Variants in PLCH2 observed in about 807,000 individuals in gnomAD.
PLCH2 encodes the protein 1-phosphatidylinositol 4,5-bisphosphate phosphodiesterase eta-2.
PLCH2 carries 98 observed loss-of-function variants against 134.7 expected under a neutral mutation model. That is an observed-to-expected ratio of 0.73 (90% CI 0.62 to 0.86). The LOEUF is 0.86. Ranked by LOEUF, PLCH2 falls within the 40% of genes least tolerant of loss-of-function variation. The probability of loss-of-function intolerance (pLI) is 0.00; values close to 1 mark genes in which losing one functional copy is unlikely to be tolerated. For synonymous variants in PLCH2, 974 were observed against 827.5 expected (o/e 1.18, Z -3.04); for missense variants, 1,994 against 1,986.6 (o/e 1.00, Z -0.07).
chr1:2,487,243 C>T lies in PLCH2; in HGVS notation c.981C>T (p.Asp327=), dbSNP rs757656148. ...FNPEHHHVHQ[D]MTQPLSHYFI... ...CTGAGCACCACCATGTGCACCAGGA[C>T]ATGACGCAGCCGCTGAGCCACTACT... The change falls in exon 7 of 22, where the codon GAC becomes GAT. Residue 327 remains aspartate (D), a synonymous_variant. Transcript: ENST00000378486. 1.2e-6 allele frequency: 2 copies of T among 1,609,842 alleles called. No individual in the cohort carries two copies. Among genetic ancestry groups the T allele is most frequent in the South Asian group, 2.2e-5 (2 of 90,278 alleles).
rs1642475249 is a variant in PLCH2, at chr1:2,489,884, G to T, written c.1515+17G>T. 6.4e-7 allele frequency: 1 copy of T among 1,552,390 alleles called. No homozygotes were observed. Among genetic ancestry groups the T allele is most frequent in the Non-Finnish European group, 8.9e-7 (1 of 1,124,096 alleles). On this transcript the variant is annotated intron_variant, in intron 10 of 21. Coordinates refer to ENST00000378486, the MANE Select transcript of PLCH2 (RefSeq NM_014638.4). ...AATGGGGATGTGAGTCGGGCTGGAG[G>T]TGGAGGGGGGCGCGTGGAGCCTGCA...
At position 2,505,448 on chromosome 1, in the gene PLCH2, G is replaced by A. The variant is rs533490144; in HGVS notation, c.*235G>A. ...GGCCCTGCCAGGCAGTTTTCCCGGC[G>A]TTTTAGGATCTGTACATAGAGAAAT... On this transcript the variant is annotated 3_prime_UTR_variant, in exon 22 of 22. Transcript: ENST00000378486. 1.8e-5 allele frequency: 10 copies of A among 570,452 alleles called. No individual in the cohort carries two copies. Among genetic ancestry groups the A allele is most frequent in the Middle Eastern group, 9.1e-4 (2 of 2,190 alleles). 35.3% of individuals were successfully genotyped at this position (570,452 alleles called of 1,614,324 possible).
At chr1:2,464,237 C>T (rs956184155), upstream of PLCH2, among the ~76,000 whole-genome samples, 8 of 152,176 alleles carry the variant, frequency 5.3e-5, no homozygotes, top group South Asian at 2.1e-4. Flanking sequence ...GGGGGCTTCA[C>T]GAGCTTCTCC....
rs946933819 is a variant in PLCH2, at chr1:2,476,603, G to A, written c.15G>A (p.Trp5Ter). ...GTCGTCAGGCCATGTCTGGTCCATG[G>A]CCCTCCCCCGACAGCCGGACCAAGG... The part of the protein sequence containing the change: MSGP[W>*]PSPDSRTKGT... Residue 5 changes from tryptophan to a stop codon, truncating the protein, a stop_gained, in exon 1 of 22, where the codon TGG becomes TGA. Transcript: ENST00000378486. LOFTEE classifies it high-confidence loss of function. 2.5e-6 allele frequency: 4 copies of A among 1,576,354 alleles called. No homozygotes were observed. In the Admixed American group the frequency reaches 5.5e-5, roughly 22 times the overall value.
chr1:2,499,110 C>G lies in PLCH2; in HGVS notation c.2461C>G (p.Leu821Val). 1 of 1,611,874 alleles carries G rather than the reference C, an allele frequency of 6.2e-7. No homozygotes were observed. The highest frequency in any genetic ancestry group is 1.3e-5 in the African/African-American group (1 of 75,026). Residue 821 changes from leucine to valine, a missense_variant, in exon 19 of 22, where the codon CTG (leucine) becomes GTG (valine). Coordinates refer to ENST00000378486, the MANE Select transcript of PLCH2 (RefSeq NM_014638.4). Reference protein sequence around the residue: ...NGFNPTWEETLVFMVHMPEIA... With the variant: ...NGFNPTWEETVVFMVHMPEIA... ...GTTCAACCCCACCTGGGAGGAGACC[C>G]TGGTTTTCATGGTGCACATGCCGGA...
Position 2,504,671 on chromosome 1 carries a change from T to G in PLCH2, c.3709T>G (p.Trp1237Gly). 6.2e-7 allele frequency: 1 copy of G among 1,612,584 alleles called. No individual in the cohort carries two copies. Among genetic ancestry groups the G allele is most frequent in the African/African-American group, 1.3e-5 (1 of 75,062 alleles). Residue 1237 changes from tryptophan to glycine, a missense_variant, in exon 22 of 22, where the codon TGG (tryptophan) becomes GGG (glycine). By Grantham distance (184) the Trp-to-Gly change is radical (BLOSUM62 -2). Around this residue, in one of 2 missense-constraint regions of PLCH2, gnomAD observed 900 missense variants for 752.3 expected, o/e 1.20. Coordinates refer to ENST00000378486, the MANE Select transcript of PLCH2 (RefSeq NM_014638.4). ...GGCTGGCCTCCCCTTCCGGCCTCCC[T>G]GGGGCTGCCTTTCCCTGGTGGGCGT... ...RMAGLPFRPP[W>G]GCLSLVGVQD...
intron 2 of PLCH2, among the ~76,000 whole-genome samples, chr1:2,445,772 C>T (rs377412047): frequency 5.9e-5 from 9 of 152,196 alleles, no homozygotes; most frequent in African/African-American, 1.9e-4. Context: ...ATAATCTGCA[C>T]GGCACACACG....
chr1:2,472,082 T>A (rs1641351411), upstream of PLCH2, among the ~76,000 whole-genome samples: 2 of 152,252 alleles, frequency 1.3e-5, no homozygotes, highest in South Asian at 4.1e-4. Flanking sequence ...AGCCTGACTC[T>A]GGGATCCCTG....
In PLCH2 at chr1:2,448,659, A is replaced by G. The variant is rs1268717359; in HGVS notation, c.115+18030A>G. ...TGCTCCACCCCAGCACCCCCGCCCGAGGCAGGCCCTGGAGCTCACGCTGCT... is the reference window on the plus strand; with the variant it reads ...TGCTCCACCCCAGCACCCCCGCCCGGGGCAGGCCCTGGAGCTCACGCTGCT... On this transcript the variant is annotated intron_variant, in intron 2 of 3. Coordinates refer to the PLCH2 transcript ENST00000609981. This position sits in a 1 kb window ranked among gnomAD's most constrained non-coding sequence, Gnocchi z 4.0. 2.0e-5 allele frequency among the ~76,000 whole-genome samples: 3 copies of G among 150,816 alleles called. No homozygotes were observed. Among genetic ancestry groups the G allele is most frequent in the Non-Finnish European group, 3.0e-5 (2 of 67,604 alleles).
intron 2 of PLCH2, among the ~76,000 whole-genome samples, chr1:2,461,390 T>C (rs1349726158): frequency 1.3e-5 from 2 of 152,102 alleles, no homozygotes; most frequent in East Asian, 3.9e-4. Context: ...GAGGGAGGCA[T>C]GTGGGCACCT....
chr1:2,504,155 G>A lies in PLCH2; in HGVS notation c.3193G>A (p.Gly1065Ser), dbSNP rs566502233. 5.8e-5 allele frequency: 88 copies of A among 1,524,778 alleles called. No individual in the cohort carries two copies. The South Asian group carries it at 8.1e-4, about 14-fold the overall frequency. The allele number at this position is 1,524,778 out of a possible 1,614,324, so 94.5% of individuals were successfully genotyped here. A position where few individuals can be genotyped will look rare whatever the true frequency, so the allele number is the denominator to read the frequency against. The change falls in exon 22 of 22, where the codon GGC becomes AGC. Residue 1065 changes from glycine to serine, a missense_variant. Around this residue, in one of 2 missense-constraint regions of PLCH2, gnomAD observed 900 missense variants for 752.3 expected, o/e 1.20. Transcript: ENST00000378486. ...RPRPCNGEGA[G>S]GAYERAPGSQ... Reference sequence around the variant, plus strand: ...TCGGCCGTGCAACGGCGAGGGCGCCGGCGGGGCATACGAGAGGGCCCCCGG... The same window carrying A: ...TCGGCCGTGCAACGGCGAGGGCGCCAGCGGGGCATACGAGAGGGCCCCCGG...
intron 2 of PLCH2, among the ~76,000 whole-genome samples, chr1:2,457,621 A>C (rs1181032299): frequency 6.6e-6 from 1 of 152,018 alleles, no homozygotes; most frequent in Non-Finnish European, 1.5e-5. Flanking sequence ...TCAGGGGCCC[A>C]ACAGCGACCT....
intron 2 of PLCH2, among the ~76,000 whole-genome samples, chr1:2,455,891 G>A (rs988183690): frequency 1.4e-4 from 21 of 152,218 alleles, no homozygotes; most frequent in African/African-American, 4.3e-4. Context: ...TGAGCATCCC[G>A]CGGGCGGGCT....
chr1:2,435,715 C>G (rs1168223525), intron 2 of PLCH2, among the ~76,000 whole-genome samples: 1 of 152,004 alleles, frequency 6.6e-6, no homozygotes. Flanking sequence ...CCTTTGATGG[C>G]TGTGGAGTAC....
Position 2,504,582 on chromosome 1 carries a change from G to A in PLCH2, c.3620G>A (p.Arg1207Gln), listed in dbSNP as rs756136381. 9 of 1,612,718 alleles carry A rather than the reference G, an allele frequency of 5.6e-6. No individual in the cohort carries two copies. The highest frequency in any genetic ancestry group is 1.6e-4 in the Middle Eastern group (1 of 6,062). Residue 1207 changes from arginine (R) to glutamine (Q), a missense_variant, in exon 22 of 22, where the codon CGG (arginine) becomes CAG (glutamine). Transcript: ENST00000378486. ...VTKSKSNPNL[R>Q]ATGQRPPIPD... Reference sequence around the variant, plus strand: ...AAGAGCAAATCCAACCCCAACCTTCGGGCTACAGGCCAGCGGCCTCCCATA... The same window carrying A: ...AAGAGCAAATCCAACCCCAACCTTCAGGCTACAGGCCAGCGGCCTCCCATA...
In PLCH2 at chr1:2,479,770, G is replaced by T; in HGVS notation, c.308G>T (p.Arg103Leu). The T allele has an allele frequency of 6.4e-7, 1 of 1,551,548 alleles. No homozygotes were observed. The highest frequency in any genetic ancestry group is 8.7e-7 in the Non-Finnish European group (1 of 1,146,624). ...TCCATCCAGGAGGTGAGTGAGGGGC[G>T]GCAGTCGGAGGTCTTCCAGCGCTAC... ...IDSIQEVSEG[R>L]QSEVFQRYPD... The change falls in exon 3 of 22, where the codon CGG becomes CTG. Residue 103 changes from arginine (R) to leucine (L), a missense_variant. Physicochemically the swap from Arg to Leu is moderately radical, Grantham distance 102. Around this residue, in one of 2 missense-constraint regions of PLCH2, gnomAD observed 1,094 missense variants for 1,234.3 expected, o/e 0.89. Coordinates refer to ENST00000378486, the MANE Select transcript of PLCH2 (RefSeq NM_014638.4).
upstream of PLCH2, chr1:2,467,357 C>T: frequency 2.7e-6 from 1 of 372,672 alleles, no homozygotes. Flanking sequence ...GGCTGCTGGG[C>T]CCGGGCTGGG....
intron 2 of PLCH2, among the ~76,000 whole-genome samples, chr1:2,456,572 C>T (rs1640505556): frequency 6.6e-6 from 1 of 152,362 alleles, no homozygotes; most frequent in African/African-American, 2.4e-5. Flanking sequence ...GCCCCCGCCC[C>T]CGGCAGACCC....
In PLCH2 at chr1:2,489,832, G is replaced by A. The variant is rs751086667; in HGVS notation, c.1480G>A (p.Glu494Lys). ...GGTGTCTGATGAGGACAGTGCTGAT[G>A]AGATTGACGATGACTGCAAGCTCCT... ...GEVSDEDSADEIDDDCKLLNG... is the reference protein window; with the variant it reads ...GEVSDEDSADKIDDDCKLLNG... The change falls in exon 10 of 22, where the codon GAG becomes AAG. Residue 494 changes from glutamate to lysine, a missense_variant. This residue lies in a region of PLCH2 where 1,094 missense variants were observed against 1,234.3 expected (regional missense o/e 0.89). Coordinates refer to ENST00000378486, the MANE Select transcript of PLCH2 (RefSeq NM_014638.4). The A allele has an allele frequency of 3.7e-6, 6 of 1,613,692 alleles. No individual in the cohort carries two copies. The highest frequency in any genetic ancestry group is 4.2e-6 in the Non-Finnish European group (5 of 1,179,750).
Sources: gnomAD v4.1 joint callset for allele counts (sites outside exome capture counted in the v4.1 genomes callset) on GRCh38, gnomAD v4.1.1 for gene constraint, gnomAD v4.1.1 regional missense constraint, Gnocchi (gnomAD v3.1) non-coding constraint, MANE v1.5 for transcripts, NCBI Gene and HGNC (gene_info 2026-07-23, HGNC 2026-07-21) for gene names.